The following RPF2 variants were observed in gnomAD, a reference collection of about 807,000 sequenced individuals.
RPF2 encodes brix domain containing 1.
In RPF2, 21 loss-of-function variants were observed where a neutral mutation model predicts 38.9. The ratio of observed to expected loss-of-function variants is 0.54; its 90% CI spans 0.38 to 0.78. The LOEUF (loss-of-function observed/expected upper bound fraction) is 0.78, where lower values mean the gene tolerates loss of function less well. RPF2 is among the 30% of genes least tolerant of loss of function. The pLI, the probability that RPF2 is intolerant of heterozygous loss-of-function variation, is 0.00. For missense variants in RPF2, 314 were observed against 358.1 expected (o/e 0.88, Z 0.99); for synonymous variants, 121 against 126.2 (o/e 0.96, Z 0.28).
intron 6 of RPF2, among the ~76,000 whole-genome samples, chr6:111,006,047 G>A (rs1675821656): frequency 6.7e-6 from 1 of 149,354 alleles, no homozygotes; most frequent in Non-Finnish European, 1.5e-5. Flanking sequence ...CTCAAGTGAT[G>A]CGCCTGCCTC....
In RPF2 at chr6:110,997,392, G is replaced by A. The variant is rs905712223; in HGVS notation, c.316+128G>A. On this transcript the variant is annotated intron_variant, in intron 5 of 9. Coordinates refer to ENST00000441448, the MANE Select transcript of RPF2 (RefSeq NM_032194.3). ...GGAAATAATTCATCCAAGAGGCATA[G>A]GCAGAGTAAGAGACTGAGGGAAGTA... 6.4e-6 allele frequency: 4 copies of A among 628,578 alleles called. No individual in the cohort carries two copies. The African/African-American group carries it at 7.4e-5, about 12-fold the overall frequency. 38.9% of individuals were successfully genotyped at this position (628,578 alleles called of 1,614,324 possible). A position where few individuals can be genotyped will look rare whatever the true frequency, so the allele number is the denominator to read the frequency against.
intron 8 of RPF2, 76 bp from the exon 9 acceptor site, chr6:111,024,107 C>T: frequency 7.7e-7 from 1 of 1,305,768 alleles, no homozygotes; most frequent in South Asian, 1.5e-5. Context: ...TTGTAAATCC[C>T]CTGAACAAAA....
chr6:110,994,727 G>GTATATA (rs147149680), intron 4 of RPF2, among the ~76,000 whole-genome samples: 12 of 107,364 alleles, frequency 1.1e-4, no homozygotes, highest in Non-Finnish European at 1.6e-4. Context: ...AATGGGATGA[G>GTATATA]TATATATACA....
At chr6:110,983,126 A>G (rs1363250588) in intron 1 of RPF2, among the ~76,000 whole-genome samples, 2 of 152,110 alleles carry the variant, frequency 1.3e-5, no homozygotes, top group Non-Finnish European at 2.9e-5. Context: ...GGAGGGTCAT[A>G]ATTATTTGGG....
chr6:111,007,942 A>G, intron 6 of RPF2, 96 bp from the exon 7 acceptor site: 3 of 1,277,522 alleles, frequency 2.3e-6, no homozygotes, highest in Non-Finnish European at 3.1e-6. Context: ...GTGAGACTCC[A>G]TCTCAAAAAA....
intron 2 of RPF2, 134 bp from the exon 3 acceptor site, chr6:110,988,894 G>A (rs1201930708): frequency 5.4e-6 from 6 of 1,103,338 alleles, no homozygotes; most frequent in Non-Finnish European, 7.6e-6. Context: ...GATGAAAAGG[G>A]AGCCAGGCAG....
At chr6:111,017,776 C>T (rs1216997168) in intron 8 of RPF2, among the ~76,000 whole-genome samples, 1 of 151,090 alleles carries the variant, frequency 6.6e-6, no homozygotes, top group Non-Finnish European at 1.5e-5. Flanking sequence ...CGATGGGCAG[C>T]CAGGCAGAGA....
chr6:110,990,277 C>G (rs1226100237), intron 3 of RPF2, among the ~76,000 whole-genome samples: 1 of 152,070 alleles, frequency 6.6e-6, no homozygotes, highest in Non-Finnish European at 1.5e-5. Context: ...TTCAGGATCC[C>G]ATGTTGCATT....
At chr6:110,997,287 T>C in intron 5 of RPF2, 23 bp downstream of exon 5, 1 of 1,364,702 alleles carries the variant, frequency 7.3e-7, no homozygotes, top group Non-Finnish European at 1.0e-6. Context: ...TACTTTTTAA[T>C]GTTTTCACTG....
chr6:110,992,493 G>T (rs1258427363), intron 4 of RPF2, among the ~76,000 whole-genome samples: 1 of 150,338 alleles, frequency 6.7e-6, no homozygotes, highest in Non-Finnish European at 1.5e-5. Context: ...GCCCAGGCTG[G>T]TCTCAAACTC....
intron 8 of RPF2, among the ~76,000 whole-genome samples, chr6:111,016,827 GCGGC>G (rs1411389298): frequency 1.3e-5 from 2 of 151,526 alleles, no homozygotes; most frequent in African/African-American, 4.9e-5. Context: ...AGAGGACCCT[GCGGC>G]CTTCCGCAGT....
At chr6:111,007,415 C>G (rs532800782) in intron 6 of RPF2, among the ~76,000 whole-genome samples, 1 of 151,710 alleles carries the variant, frequency 6.6e-6, no homozygotes, top group East Asian at 1.9e-4. Context: ...GTATAGAAGT[C>G]TAGAAGCTTA....
At chr6:111,018,101 C>G (rs1247267355) in intron 8 of RPF2, among the ~76,000 whole-genome samples, 1 of 151,648 alleles carries the variant, frequency 6.6e-6, no homozygotes, top group South Asian at 2.1e-4. Context: ...CAGTCGCAGG[C>G]ACTCGGCAGG....
intron 3 of RPF2, among the ~76,000 whole-genome samples, chr6:110,990,079 C>G (rs1243060809): frequency 6.6e-6 from 1 of 151,802 alleles, no homozygotes; most frequent in Admixed American, 6.6e-5. Flanking sequence ...ACTGGGATTA[C>G]GGGCATGCGC....
chr6:110,990,931 T>A (rs1380639907), intron 3 of RPF2, among the ~76,000 whole-genome samples: 1 of 152,164 alleles, frequency 6.6e-6, no homozygotes, highest in East Asian at 1.9e-4. Context: ...TTTTGAGCAC[T>A]TCCTTACTTT....
intron 4 of RPF2, among the ~76,000 whole-genome samples, chr6:110,994,940 T>C (rs1209793581): frequency 6.6e-6 from 1 of 152,104 alleles, no homozygotes; most frequent in Non-Finnish European, 1.5e-5. Flanking sequence ...GGTCTCACTC[T>C]GTCACCCAGG....
chr6:111,022,142 G>T (rs547807478), intron 8 of RPF2, among the ~76,000 whole-genome samples: 1 of 152,152 alleles, frequency 6.6e-6, no homozygotes, highest in Non-Finnish European at 1.5e-5. Flanking sequence ...TAGGCCTTAT[G>T]GGGGGAAATA....
intron 7 of RPF2, among the ~76,000 whole-genome samples, chr6:111,015,378 A>C (rs1772089590): frequency 6.6e-6 from 1 of 152,240 alleles, no homozygotes; most frequent in Admixed American, 6.5e-5. Context: ...ATTTGATTTT[A>C]ATAGTCAATT....
chr6:111,002,162 C>T (rs1211216575), intron 6 of RPF2, among the ~76,000 whole-genome samples: 22 of 152,146 alleles, frequency 1.4e-4, no homozygotes, highest in Admixed American at 1.4e-3. Context: ...CGCCTGTAAT[C>T]CCAGCTACCT....
Sources: allele counts gnomAD v4.1 joint callset (sites outside exome capture counted in the v4.1 genomes callset), GRCh38; gene constraint gnomAD v4.1.1; transcripts MANE v1.5; gene names NCBI Gene and HGNC (gene_info 2026-07-23, HGNC 2026-07-21).